Variants in MYO15A observed in about 807,000 individuals in gnomAD.
MYO15A encodes the protein unconventional myosin-XV.
MYO15A carries 308 observed loss-of-function variants against 394.6 expected under a neutral mutation model. That is an observed-to-expected ratio of 0.78 (90% confidence interval 0.71 to 0.86). MYO15A has a LOEUF of 0.86. Ranked by LOEUF, MYO15A falls within the 40% of genes least tolerant of loss-of-function variation. The pLI, the probability that MYO15A is intolerant of heterozygous loss-of-function variation, is 0.00. For synonymous variants in MYO15A, 1,957 were observed against 2,003.8 expected (o/e 0.98, Z 0.62); for missense variants, 4,606 against 4,799.1 (o/e 0.96, Z 1.19).
rs1164866600 is a variant in MYO15A at position 18,159,679 on chromosome 17, G to A, written c.9303G>A (p.Lys3101=). The A allele has an allele frequency of 1.1e-5, 18 of 1,613,984 alleles. No individual in the cohort carries two copies. The highest frequency in any genetic ancestry group is 2.2e-5 in the South Asian group (2 of 91,082). ...SDLDVLCNLL[K]LCGDHEVMRD... Reference sequence around the variant, plus strand: ...TGGACGTGCTTTGTAACCTCCTGAAGGTCAGTCCAGCCAACTTTGCCAGAT... The same window carrying A: ...TGGACGTGCTTTGTAACCTCCTGAAAGTCAGTCCAGCCAACTTTGCCAGAT... The change falls in exon 55 of 66, where the codon AAG becomes AAA. Residue 3101 remains lysine (K), a splice_region_variant and synonymous_variant. Transcript: ENST00000647165.
At chr17:18,140,924 T>C in intron 21 of MYO15A, 92 bp downstream of exon 21, 1 of 1,612,626 alleles carries the variant, frequency 6.2e-7, no homozygotes, top group Non-Finnish European at 8.5e-7. Flanking sequence ...AGGACCTGCA[T>C]CTGCCCAGCC....
chr17:18,137,010 C>G (rs2046291870), intron 15 of MYO15A, among the ~76,000 whole-genome samples: 1 of 152,214 alleles, frequency 6.6e-6, no homozygotes, highest in Non-Finnish European at 1.5e-5. Context: ...CTCCTGAGAC[C>G]CAGCAAAGGC....
At position 18,120,823 on chromosome 17, in the gene MYO15A, C is replaced by T; in HGVS notation, c.2023C>T (p.Pro675Ser). ...VPPRPPSSGP[P>S]PAPPLSPALS... ...CCCGCGGCCCCCAAGCTCCGGGCCC[C>T]CGCCCGCGCCGCCGCTCTCCCCGGC... Residue 675 changes from proline (P) to serine (S), a missense_variant, in exon 2 of 66, where the codon CCG (proline) becomes TCG (serine). This residue lies in a region of MYO15A where 1,830 missense variants were observed against 1,689.7 expected (regional missense o/e 1.08). Transcript: ENST00000647165. 2 of 1,174,414 alleles carry T rather than the reference C, an allele frequency of 1.7e-6. No individual in the cohort carries two copies. The highest frequency in any genetic ancestry group is 2.7e-5 in the South Asian group (1 of 37,372). The allele number at this position is 1,174,414 out of a possible 1,614,324, so 72.7% of individuals were successfully genotyped here.
chr17:18,122,537 C>A, intron 2 of MYO15A, 128 bp downstream of exon 2: 1 of 1,395,200 alleles, frequency 7.2e-7, no homozygotes, highest in East Asian at 2.5e-5. Context: ...GTCTCTGGGT[C>A]TGTAAGTTGG....
chr17:18,157,364 T>C, intron 50 of MYO15A, 134 bp downstream of exon 50: 1 of 1,267,728 alleles, frequency 7.9e-7, no homozygotes, highest in Non-Finnish European at 1.1e-6. Flanking sequence ...GGTCCAGCCG[T>C]GGCCTGTCAG....
chr17:18,119,307 C>G lies in MYO15A; in HGVS notation c.507C>G (p.Ser169=), dbSNP rs754319256. The G allele has an allele frequency of 6.2e-7, 1 of 1,610,994 alleles. No homozygotes were observed. Among genetic ancestry groups the G allele is most frequent in the East Asian group, 2.2e-5 (1 of 44,844 alleles). ...AGCGCTCGAGCTCCCGCATGGGCTC[C>G]CGCAAACTCCCCTTCCCGTCGGGTG... ...WLQRSSSRMG[S]RKLPFPSGAE... Residue 169 remains serine (S), a synonymous_variant, in exon 2 of 66, where the codon TCC becomes TCG. Transcript: ENST00000647165.
intron 1 of MYO15A, among the ~76,000 whole-genome samples, chr17:18,116,610 G>C (rs148756612): frequency 2.2e-4 from 33 of 152,276 alleles, no homozygotes; most frequent in Admixed American, 9.8e-4. Flanking sequence ...GGCAGTTGTT[G>C]ATATCTCCAG....
rs929216120 is a variant in MYO15A at position 18,166,419 on chromosome 17, G to T, written c.9846G>T (p.Met3282Ile). 6 of 1,614,082 alleles carry T rather than the reference G, an allele frequency of 3.7e-6. No individual in the cohort carries two copies. Among genetic ancestry groups the T allele is most frequent in the Non-Finnish European group, 5.1e-6 (6 of 1,180,026 alleles). ...RAYILDVASE[M>I]EQVDGGYMLW... ...ACATCCTGGATGTGGCCTCAGAGATGGAGCAGGTGGACGGCGGCTACATGC... is the reference window on the plus strand; with the variant it reads ...ACATCCTGGATGTGGCCTCAGAGATTGAGCAGGTGGACGGCGGCTACATGC... Residue 3282 changes from methionine to isoleucine, a missense_variant, in exon 61 of 66, where the codon ATG becomes ATT. Physicochemically the swap from Met to Ile is conservative, Grantham distance 10. Transcript: ENST00000647165.
intron 35 of MYO15A, 175 bp downstream of exon 35, chr17:18,149,755 G>A (rs1473846960): frequency 1.4e-6 from 1 of 699,846 alleles, no homozygotes; most frequent in Non-Finnish European, 2.5e-6. Context: ...TTCACAGCTA[G>A]AGATGCTCTT....
chr17:18,171,521 A>C, intron 62 of MYO15A, 117 bp from the exon 63 acceptor site: 2 of 1,493,182 alleles, frequency 1.3e-6, no homozygotes, highest in South Asian at 1.1e-5. Context: ...ACTCCCTAGC[A>C]TTTAGTCTTC....
intron 19 of MYO15A, among the ~76,000 whole-genome samples, chr17:18,140,234 A>G (rs936265210): frequency 1.3e-5 from 2 of 152,214 alleles, no homozygotes; most frequent in Non-Finnish European, 2.9e-5. Context: ...ACAACCATGT[A>G]TCTAACAGGC....
At chr17:18,158,234 T>A (rs905437966) in intron 51 of MYO15A, 1 of 587,850 alleles carries the variant, frequency 1.7e-6, no homozygotes, top group African/African-American at 1.9e-5. Flanking sequence ...GTGGGCGGCT[T>A]GTGGAGCTAG....
chr17:18,157,209 C>T lies in MYO15A; in HGVS notation c.8767C>T (p.Arg2923Ter), dbSNP rs373462792. Residue 2923 changes from arginine (R) to a stop codon, truncating the protein, a stop_gained, in exon 50 of 66, where the codon CGA becomes TGA. Coordinates refer to ENST00000647165, the MANE Select transcript of MYO15A (RefSeq NM_016239.4). LOFTEE classifies it high-confidence loss of function. ...RRKVVYLEEL[R>*]RRGPDFGWRF... ...GAAGGTGGTGTACCTGGAGGAGCTG[C>T]GACGTAGAGGCCCCGACTTTGGTGT... is the stretch of plus-strand genomic sequence containing the variant. The T allele has an allele frequency of 1.1e-5, 18 of 1,608,168 alleles. No individual in the cohort carries two copies. Among genetic ancestry groups the T allele is most frequent in the African/African-American group, 8.0e-5 (6 of 74,748 alleles).
At position 18,148,079 on chromosome 17, in the gene MYO15A, G is replaced by A. The variant is rs199913622; in HGVS notation, c.6560G>A (p.Arg2187His). ...GGCTTCCAGGCTGTGTGTCAGCACC[G>A]CCTCATGCAGGCCATGGGCCGGGCC... ...RNGFQAVCQH[R>H]LMQAMGRAQQ... The change falls in exon 31 of 66, where the codon CGC (arginine) becomes CAC (histidine). Residue 2187 changes from arginine to histidine, a missense_variant. Coordinates refer to ENST00000647165, the MANE Select transcript of MYO15A (RefSeq NM_016239.4). This position sits in a 1 kb window ranked among gnomAD's most constrained non-coding sequence, Gnocchi z 4.8. 117 of 1,613,912 alleles carry A rather than the reference G, an allele frequency of 7.2e-5. No homozygotes were observed. The African/African-American group carries it at 8.5e-4, about 12-fold the overall frequency.
chr17:18,175,401 C>G (rs1257839392), intron 65 of MYO15A, among the ~76,000 whole-genome samples: 2 of 149,316 alleles, frequency 1.3e-5, no homozygotes, highest in African/African-American at 4.9e-5. Context: ...AGCGATAATC[C>G]CACCTCAGCC....
chr17:18,134,372 A>G (rs565561159), intron 12 of MYO15A, among the ~76,000 whole-genome samples: 1 of 152,314 alleles, frequency 6.6e-6, no homozygotes, highest in East Asian at 1.9e-4. Context: ...TAAATTTTAT[A>G]TTTGAAATTT....
At position 18,158,545 on chromosome 17, in the gene MYO15A, C is replaced by G; in HGVS notation, c.8990C>G (p.Ser2997Cys). 6.2e-7 allele frequency: 1 copy of G among 1,614,190 alleles called. No homozygotes were observed. Among genetic ancestry groups the G allele is most frequent in the South Asian group, 1.1e-5 (1 of 91,092 alleles). Residue 2997 changes from serine (S) to cysteine (C), a missense_variant, in exon 52 of 66, where the codon TCT becomes TGT. Coordinates refer to ENST00000647165, the MANE Select transcript of MYO15A (RefSeq NM_016239.4). The part of the protein sequence containing the change: ...RREGPPVRAR[S>C]ADHGEDALAL... ...CAGGGTCCCCCAGTCAGGGCCCGCT[C>G]TGCTGACCATGGGGAGGACGCCCTG... is the stretch of plus-strand genomic sequence containing the variant.
chr17:18,125,268 C>T (rs759143283), intron 4 of MYO15A, 37 bp downstream of exon 4: 9 of 1,602,332 alleles, frequency 5.6e-6, no homozygotes, highest in Non-Finnish European at 7.7e-6. Flanking sequence ...GGGCCTAGGT[C>T]AGGAAGGCAG....
chr17:18,117,974 T>A lies in MYO15A; in HGVS notation c.-219-608T>A, dbSNP rs566406524. The stretch of plus-strand genomic sequence containing the variant: ...GGCCCAGAGAGGACAAGGACTTTCC[T>A]GGACCCACACAGCCAGTCAGTGACA... On this transcript the variant is annotated intron_variant, in intron 1 of 65. Transcript: ENST00000647165. This position sits in a 1 kb window ranked among gnomAD's most constrained non-coding sequence, Gnocchi z 4.1. Among the ~76,000 whole-genome samples, 3 of 152,136 alleles carry A rather than the reference T, an allele frequency of 2.0e-5. No homozygotes were observed. Among genetic ancestry groups the A allele is most frequent in the Non-Finnish European group, 4.4e-5 (3 of 68,022 alleles).
Sources: allele counts gnomAD v4.1 joint callset (sites outside exome capture counted in the v4.1 genomes callset), GRCh38; gene constraint gnomAD v4.1.1; regional missense constraint gnomAD v4.1.1; non-coding constraint Gnocchi (gnomAD v3.1); transcripts MANE v1.5; gene names NCBI Gene and HGNC (gene_info 2026-07-23, HGNC 2026-07-21).